The following SUSD3 variants were observed in gnomAD, a reference collection of about 807,000 sequenced individuals.
The protein encoded by SUSD3 is sushi domain-containing protein 3.
Under a neutral mutation model 20.6 loss-of-function variants are expected in SUSD3, and 18 were observed. That is an observed-to-expected ratio of 0.87 (90% CI 0.60 to 1.30). The LOEUF is 1.30. SUSD3 is among the 50% of genes most tolerant of loss of function. SUSD3 has a pLI of 0.00. For missense variants in SUSD3, 306 were observed against 346.9 expected (o/e 0.88, Z 0.94); for synonymous variants, 137 against 141.5 (o/e 0.97, Z 0.23).
At chr9:93,067,141 G>A (rs57327517) in intron 1 of SUSD3, among the ~76,000 whole-genome samples, 37,768 of 152,114 alleles carry the variant, frequency 0.25, 6,062 homozygotes, top group African/African-American at 0.46. Context: ...GGATTTGCCT[G>A]TTCTGGACAT....
intron 1 of SUSD3, among the ~76,000 whole-genome samples, chr9:93,060,246 T>TG (rs916405755): frequency 5.3e-5 from 8 of 152,182 alleles, no homozygotes; most frequent in Admixed American, 2.6e-4. Flanking sequence ...TCCCAGGCAC[T>TG]GGCCCCCTTG....
chr9:93,074,649 C>G (rs1204539649), intron 1 of SUSD3, among the ~76,000 whole-genome samples: 2 of 123,510 alleles, frequency 1.6e-5, no homozygotes, highest in African/African-American at 6.5e-5. Context: ...GAGATGCAGT[C>G]TCACTCTGTT....
In SUSD3 at chr9:93,084,958, G is replaced by A. The variant is rs1425937512; in HGVS notation, c.*211G>A. 2.3e-6 allele frequency: 1 copy of A among 438,696 alleles called. No individual in the cohort carries two copies. The highest frequency in any genetic ancestry group is 4.0e-6 in the Non-Finnish European group (1 of 252,618). The allele number at this position is 438,696 out of a possible 1,614,324, so 27.2% of individuals were successfully genotyped here. A position where few individuals can be genotyped will look rare whatever the true frequency, so the allele number is the denominator to read the frequency against. ...GGAGTGTTCTGTTCCGGCATATCCTGGCCGTAACGATTTTTATAGTTATGG... is the reference window on the plus strand; with the variant it reads ...GGAGTGTTCTGTTCCGGCATATCCTAGCCGTAACGATTTTTATAGTTATGG... On this transcript the variant is annotated 3_prime_UTR_variant, in exon 5 of 5. Transcript: ENST00000375472.
intron 4 of SUSD3, among the ~76,000 whole-genome samples, chr9:93,080,125 C>T (rs1017615310): frequency 2.0e-5 from 3 of 151,902 alleles, no homozygotes; most frequent in African/African-American, 7.3e-5. Flanking sequence ...GTCAGGAGTT[C>T]GAGGCCAACA....
Position 93,067,598 on chromosome 9 carries a change from C to CTTT in SUSD3, c.89-8172_89-8170dup, listed in dbSNP as rs200176712. 7.9e-4 allele frequency among the ~76,000 whole-genome samples: 113 copies of CTTT among 142,800 alleles called. 1 individual carries two copies. Among genetic ancestry groups the CTTT allele is most frequent in the African/African-American group, 2.7e-3 (104 of 39,030 alleles). The allele number at this position is 142,800 out of a possible 152,430, so 93.7% of individuals were successfully genotyped here. A position where few individuals can be genotyped will look rare whatever the true frequency, so the allele number is the denominator to read the frequency against. Reference sequence around the variant, plus strand: ...TTTCCTAACACTTCGTATTGTCTGTCTTTTTTTTTTTTTTTTCTTGAAACG... The same window carrying CTTT: ...TTTCCTAACACTTCGTATTGTCTGTCTTTTTTTTTTTTTTTTTTTCTTGAAACG... On this transcript the variant is annotated intron_variant, in intron 1 of 4. Coordinates refer to ENST00000375472, the MANE Select transcript of SUSD3 (RefSeq NM_145006.4).
Position 93,082,310 on chromosome 9 carries a change from CT to C in SUSD3, c.558-2202del, listed in dbSNP as rs561486543. On this transcript the variant is annotated intron_variant, in intron 4 of 4. Coordinates refer to ENST00000375472, the MANE Select transcript of SUSD3 (RefSeq NM_145006.4). ...GCTGTACATTTTTTAGGCCTCTTTC[CT>C]TTTTTTTTTTTTTTTTTTTTTTTTG... is the stretch of plus-strand genomic sequence containing the variant. Among the ~76,000 whole-genome samples the C allele has an allele frequency of 4.4e-3, 384 of 87,234 alleles. 1 individual carries two copies. Among genetic ancestry groups the C allele is most frequent in the East Asian group, 0.021 (68 of 3,176 alleles). The allele number at this position is 87,234 out of a possible 152,430, so 57.2% of individuals were successfully genotyped here.
intron 1 of SUSD3, among the ~76,000 whole-genome samples, chr9:93,064,378 C>T (rs148722265): frequency 8.5e-5 from 13 of 152,310 alleles, no homozygotes; most frequent in Admixed American, 2.6e-4. Context: ...GTCTGTGAGG[C>T]TCAATGATGC....
intron 1 of SUSD3, among the ~76,000 whole-genome samples, chr9:93,075,378 T>C (rs938618482): frequency 5.3e-5 from 8 of 151,374 alleles, no homozygotes; most frequent in African/African-American, 1.9e-4. Context: ...CTGCTTTGTA[T>C]GCAGTCAAAT....
chr9:93,073,187 C>A (rs1221735830), intron 1 of SUSD3, among the ~76,000 whole-genome samples: 2 of 151,994 alleles, frequency 1.3e-5, no homozygotes, highest in Admixed American at 6.6e-5. Context: ...ACTGCTGCCT[C>A]CGGTCAGTCT....
chr9:93,077,887 A>G lies in SUSD3; in HGVS notation c.319A>G (p.Ile107Val). The G allele has an allele frequency of 6.2e-7, 1 of 1,614,142 alleles. No individual in the cohort carries two copies. The highest frequency in any genetic ancestry group is 8.5e-7 in the Non-Finnish European group (1 of 1,180,016). The change falls in exon 3 of 5, where the codon ATC becomes GTC. Residue 107 changes from isoleucine (I) to valine (V), a missense_variant. Physicochemically the swap from Ile to Val is conservative, Grantham distance 29. Coordinates refer to ENST00000375472, the MANE Select transcript of SUSD3 (RefSeq NM_145006.4). Reference protein sequence around the residue: ...HETFGFKVAVIASIVSCAIIL... With the variant: ...HETFGFKVAVVASIVSCAIIL... Reference sequence around the variant, plus strand: ...GACCTTTGGCTTCAAGGTGGCCGTGATCGCCTCCATTGTGAGCTGTGCCAT... The same window carrying G: ...GACCTTTGGCTTCAAGGTGGCCGTGGTCGCCTCCATTGTGAGCTGTGCCAT...
chr9:93,073,069 ACT>A (rs771159732), intron 1 of SUSD3, among the ~76,000 whole-genome samples: 1 of 151,418 alleles, frequency 6.6e-6, no homozygotes, highest in Non-Finnish European at 1.5e-5. Flanking sequence ...GGTCCCTCAG[ACT>A]CTGCATGCCC....
chr9:93,082,467 G>A lies in SUSD3; in HGVS notation c.558-2070G>A, dbSNP rs559710713. ...CAAGTAGCTGGGACCACAGGTGTCCGCCACCATGCCCAGCTAATTTTTTGT... is the reference window on the plus strand; with the variant it reads ...CAAGTAGCTGGGACCACAGGTGTCCACCACCATGCCCAGCTAATTTTTTGT... On this transcript the variant is annotated intron_variant, in intron 4 of 4. Transcript: ENST00000375472. Among the ~76,000 whole-genome samples the A allele has an allele frequency of 8.5e-5, 13 of 152,052 alleles. No individual in the cohort carries two copies. In the East Asian group the frequency reaches 1.7e-3, roughly 20 times the overall value.
rs1202004003 is a variant in SUSD3 at position 93,083,295 on chromosome 9, G to A, written c.558-1242G>A. ...GCTTCATGGGGACTCAGAGAAGGCG[G>A]GTCCTGCCCAGGGCTACAAAGCCGA... On this transcript the variant is annotated intron_variant, in intron 4 of 4. Coordinates refer to ENST00000375472, the MANE Select transcript of SUSD3 (RefSeq NM_145006.4). 2.6e-5 allele frequency among the ~76,000 whole-genome samples: 4 copies of A among 152,118 alleles called. No homozygotes were observed. In the East Asian group the frequency reaches 7.7e-4, roughly 29 times the overall value.
At position 93,077,919 on chromosome 9, in the gene SUSD3, G is replaced by T; in HGVS notation, c.351G>T (p.Leu117=). 6.2e-7 allele frequency: 1 copy of T among 1,614,206 alleles called. No individual in the cohort carries two copies. The highest frequency in any genetic ancestry group is 8.5e-7 in the Non-Finnish European group (1 of 1,180,034). Residue 117 remains leucine (L), a synonymous_variant, in exon 3 of 5, where the codon CTG becomes CTT. Coordinates refer to ENST00000375472, the MANE Select transcript of SUSD3 (RefSeq NM_145006.4). The stretch of plus-strand genomic sequence containing the variant: ...CCATTGTGAGCTGTGCCATCATCCT[G>T]CTCATGTCCATGGCCTTCCTCACCT... The part of the protein sequence containing the change: ...IASIVSCAII[L]LMSMAFLTCC...
intron 1 of SUSD3, among the ~76,000 whole-genome samples, chr9:93,071,845 C>T (rs933572553): frequency 1.3e-5 from 2 of 152,124 alleles, no homozygotes; most frequent in East Asian, 1.9e-4. Context: ...TAGAGGCAAC[C>T]GCAGCCAGGG....
chr9:93,075,410 TC>T (rs1352072527), intron 1 of SUSD3, among the ~76,000 whole-genome samples: 3 of 128,964 alleles, frequency 2.3e-5, no homozygotes, highest in African/African-American at 3.4e-5. Flanking sequence ...TCTCTGTCCC[TC>T]TTTTTTTTTT....
intron 1 of SUSD3, 136 bp from the exon 2 acceptor site, chr9:93,075,648 A>C: frequency 1.6e-6 from 1 of 642,816 alleles, no homozygotes. Context: ...AGAGCATCCA[A>C]TGGCCTTTGG....
rs58393196 is a variant in SUSD3 at position 93,075,411 on chromosome 9, C to CTTTTTTTTTTTTT, written c.89-362_89-350dup. On this transcript the variant is annotated intron_variant, in intron 1 of 4. Transcript: ENST00000375472. The stretch of plus-strand genomic sequence containing the variant: ...AATCTGCTGATCTCTCTCTGTCCCT[C>CTTTTTTTTTTTTT]TTTTTTTTTTTTTTTTTTTTTTTGT... Among the ~76,000 whole-genome samples, 137 of 101,256 alleles carry CTTTTTTTTTTTTT rather than the reference C, an allele frequency of 1.4e-3. 1 individual carries two copies. The highest frequency in any genetic ancestry group is 1.8e-3 in the South Asian group (5 of 2,752). The allele number at this position is 101,256 out of a possible 152,430, so 66.4% of individuals were successfully genotyped here. A position where few individuals can be genotyped will look rare whatever the true frequency, so the allele number is the denominator to read the frequency against.
chr9:93,084,807 C>T lies in SUSD3; in HGVS notation c.*60C>T, dbSNP rs2119022575. 2.2e-6 allele frequency: 3 copies of T among 1,379,128 alleles called. No homozygotes were observed. The highest frequency in any genetic ancestry group is 2.9e-6 in the Non-Finnish European group (3 of 1,044,828). 85.4% of individuals were successfully genotyped at this position (1,379,128 alleles called of 1,614,324 possible). A position where few individuals can be genotyped will look rare whatever the true frequency, so the allele number is the denominator to read the frequency against. ...GGGAGGCCAGGCTGACCCCACCAGC[C>T]AGTCAGCTACAACTCCACATCAACT... On this transcript the variant is annotated 3_prime_UTR_variant, in exon 5 of 5. Coordinates refer to ENST00000375472, the MANE Select transcript of SUSD3 (RefSeq NM_145006.4).
Sources: allele counts gnomAD v4.1 joint callset (sites outside exome capture counted in the v4.1 genomes callset), GRCh38; gene constraint gnomAD v4.1.1; transcripts MANE v1.5; gene names NCBI Gene and HGNC (gene_info 2026-07-23, HGNC 2026-07-21).